Variants in LGSN observed in about 807,000 individuals in gnomAD.
LGSN encodes the protein lengsin.
LGSN carries 21 observed loss-of-function variants against 19.5 expected under a neutral mutation model. The observed-to-expected ratio is 1.07, with a 90% CI of 0.76 to 1.55. LGSN has a LOEUF of 1.55. Ranked by LOEUF, LGSN falls within the 40% of genes most tolerant of loss-of-function variation. The pLI is 0.00. For missense variants in LGSN, 673 were observed against 608.5 expected, an observed-to-expected ratio of 1.11 and a Z score of -1.12; for synonymous variants, 257 against 215.6, an observed-to-expected ratio of 1.19 and a Z score of -1.68.
the LGSN span, among the ~76,000 whole-genome samples, chr6:63,418,336 G>A: frequency 6.6e-6 from 1 of 152,162 alleles, no homozygotes; most frequent in Non-Finnish European, 1.5e-5. Context: ...GCCGAGGTGG[G>A]TGGATCGCAA....
At chr6:63,300,499 C>T (rs555888464) in intron 1 of LGSN, among the ~76,000 whole-genome samples, 1 of 151,922 alleles carries the variant, frequency 6.6e-6, no homozygotes, top group South Asian at 2.1e-4. Flanking sequence ...AGATGCAACT[C>T]TACAAAATAT....
At chr6:63,294,493 G>T (rs1025291221) in intron 2 of LGSN, among the ~76,000 whole-genome samples, 1 of 152,184 alleles carries the variant, frequency 6.6e-6, no homozygotes. Flanking sequence ...TTAACTTCTA[G>T]TTTTAGCAGT....
the LGSN span, among the ~76,000 whole-genome samples, chr6:63,496,604 A>G: frequency 6.6e-6 from 1 of 151,138 alleles, no homozygotes; most frequent in Admixed American, 6.6e-5. Context: ...AAGTAACTTT[A>G]GAGGTATTTG....
chr6:63,355,041 C>T, the LGSN span, among the ~76,000 whole-genome samples: 3 of 151,906 alleles, frequency 2.0e-5, no homozygotes, highest in Non-Finnish European at 2.9e-5. Flanking sequence ...TTCTAAAGTT[C>T]CATAGCAAAG....
chr6:63,401,834 T>C, the LGSN span, among the ~76,000 whole-genome samples: 5 of 152,188 alleles, frequency 3.3e-5, no homozygotes, highest in African/African-American at 1.2e-4. Context: ...TCAGGATTAC[T>C]TACGTAAACA....
At chr6:63,489,530 T>C in the LGSN span, among the ~76,000 whole-genome samples, 1 of 151,998 alleles carries the variant, frequency 6.6e-6, no homozygotes, top group African/African-American at 2.4e-5. Context: ...CACCACTACC[T>C]GGCTAATTTT....
the LGSN span, among the ~76,000 whole-genome samples, chr6:63,457,616 G>T: frequency 6.6e-6 from 1 of 152,140 alleles, no homozygotes; most frequent in South Asian, 2.1e-4. Flanking sequence ...GGTGGCTTAC[G>T]CCTGTAATTC....
At chr6:63,314,477 G>C (rs1016768890) in intron 1 of LGSN, among the ~76,000 whole-genome samples, 24 of 152,184 alleles carry the variant, frequency 1.6e-4, no homozygotes, top group African/African-American at 5.1e-4. Context: ...GACAAGGAAG[G>C]AAGAGAAAAA....
the LGSN span, among the ~76,000 whole-genome samples, chr6:63,367,276 T>C: frequency 1 from 152,079 of 152,242 alleles, 75,958 homozygotes; most frequent in Middle Eastern, 1. Flanking sequence ...AAAAAGTGGG[T>C]GAAGGACATG....
chr6:63,434,030 C>T, the LGSN span, among the ~76,000 whole-genome samples: 1 of 152,120 alleles, frequency 6.6e-6, no homozygotes, highest in Non-Finnish European at 1.5e-5. Flanking sequence ...TGGTGCATCT[C>T]CCTGGGACCA....
At chr6:63,335,124 C>T in the LGSN span, among the ~76,000 whole-genome samples, 1 of 132,354 alleles carries the variant, frequency 7.6e-6, no homozygotes, top group Non-Finnish European at 1.6e-5. Context: ...AGCCTGATGA[C>T]AGAATGAGAC....
chr6:63,552,304 T>G, the LGSN span, among the ~76,000 whole-genome samples: 1 of 152,250 alleles, frequency 6.6e-6, no homozygotes, highest in Non-Finnish European at 1.5e-5. Flanking sequence ...CATTTTTTCA[T>G]GTGTTTTTTT....
the LGSN span, among the ~76,000 whole-genome samples, chr6:63,390,118 C>CTTTTTTTTTTTTTTTT: frequency 1.2e-3 from 82 of 66,302 alleles, no homozygotes; most frequent in Non-Finnish European, 1.5e-3. Context: ...TTCTTTCTTT[C>CTTTTTTTTTTTTTTTT]TTTTTTTTTT....
chr6:63,373,356 T>G, the LGSN span, among the ~76,000 whole-genome samples: 1 of 152,178 alleles, frequency 6.6e-6, no homozygotes, highest in Non-Finnish European at 1.5e-5. Flanking sequence ...AACCCAGTAA[T>G]CAAAGTTAAC....
chr6:63,481,333 T>C, the LGSN span, among the ~76,000 whole-genome samples: 4 of 148,550 alleles, frequency 2.7e-5, no homozygotes, highest in African/African-American at 9.9e-5. Flanking sequence ...CAAAAACCAC[T>C]TGTACCCCAA....
At chr6:63,568,822 C>T in the LGSN span, among the ~76,000 whole-genome samples, 819 of 152,258 alleles carry the variant, frequency 5.4e-3, 3 homozygotes, top group Non-Finnish European at 8.3e-3. Flanking sequence ...GCAGCCATGG[C>T]ATACTTGAAT....
the LGSN span, among the ~76,000 whole-genome samples, chr6:63,516,646 C>G: frequency 6.6e-6 from 1 of 152,164 alleles, no homozygotes; most frequent in African/African-American, 2.4e-5. Flanking sequence ...TTCAAAGCAA[C>G]AGAATCTTAG....
chr6:63,359,424 G>T, the LGSN span, among the ~76,000 whole-genome samples: 2 of 152,206 alleles, frequency 1.3e-5, no homozygotes, highest in Non-Finnish European at 2.9e-5. Context: ...GGTCCTCCTT[G>T]TACCTCTGGT....
Position 63,319,951 on chromosome 6 carries a change from CTTT to C in LGSN, c.-11_-9del. 6.2e-7 allele frequency: 1 copy of C among 1,606,972 alleles called. No individual in the cohort carries two copies. Among genetic ancestry groups the C allele is most frequent in the Non-Finnish European group, 8.5e-7 (1 of 1,173,706 alleles). On this transcript the variant is annotated 5_prime_UTR_variant, in exon 1 of 4. Coordinates refer to ENST00000370657, the MANE Select transcript of LGSN (RefSeq NM_016571.3). ...GTCCTCTTCATTATTCATCTCAACACTTTTTAAGTTCAGCGTTAGAAACCACAA... is the reference window on the plus strand; with the variant it reads ...GTCCTCTTCATTATTCATCTCAACACTTAAGTTCAGCGTTAGAAACCACAA...
Sources: allele counts gnomAD v4.1 joint callset (sites outside exome capture counted in the v4.1 genomes callset), GRCh38; gene constraint gnomAD v4.1.1; transcripts MANE v1.5; gene names NCBI Gene and HGNC (gene_info 2026-07-23, HGNC 2026-07-21).